Variants in KCNIP4 observed in about 807,000 individuals in gnomAD.
The protein encoded by KCNIP4 is potassium voltage-gated channel interacting protein 4.
Under a neutral mutation model 34.0 loss-of-function variants are expected in KCNIP4, and 12 were observed. The ratio of observed to expected loss-of-function variants is 0.35; its 90% confidence interval spans 0.23 to 0.57. KCNIP4 has a LOEUF of 0.57. KCNIP4 is among the 20% of genes least tolerant of loss of function. KCNIP4 has a pLI of 0.83. For missense variants in KCNIP4, 238 were observed against 311.7 expected (o/e 0.76, Z 1.78); for synonymous variants, 124 against 102.2 (o/e 1.21, Z -1.29).
intron 1 of KCNIP4, among the ~76,000 whole-genome samples, chr4:21,092,340 C>T (rs931520405): frequency 6.6e-6 from 1 of 151,946 alleles, no homozygotes; most frequent in Non-Finnish European, 1.5e-5. Context: ...ACGAATGTCT[C>T]TATATTCCTC....
At chr4:21,894,493 A>G (rs2109407987) in intron 1 of KCNIP4, among the ~76,000 whole-genome samples, 1 of 152,270 alleles carries the variant, frequency 6.6e-6, no homozygotes, top group Middle Eastern at 3.4e-3. Flanking sequence ...TAATAGGTAC[A>G]TCATTTGTGA....
At chr4:21,916,917 C>T (rs7356396) in intron 1 of KCNIP4, among the ~76,000 whole-genome samples, 1 of 151,912 alleles carries the variant, frequency 6.6e-6, no homozygotes, top group African/African-American at 2.4e-5. Context: ...TTCTTACATC[C>T]TAAATTGTTC....
chr4:20,867,576 A>G (rs570284319), intron 2 of KCNIP4, among the ~76,000 whole-genome samples: 19 of 152,142 alleles, frequency 1.2e-4, no homozygotes, highest in Non-Finnish European at 2.6e-4. Context: ...AAATCCTGGA[A>G]GACAACCTAG....
chr4:21,202,037 G>T (rs1756536243), intron 1 of KCNIP4, among the ~76,000 whole-genome samples: 1 of 152,178 alleles, frequency 6.6e-6, no homozygotes, highest in Non-Finnish European at 1.5e-5. Context: ...AATTAGTTCA[G>T]CCCCTGTGGA....
intron 1 of KCNIP4, chr4:21,608,717 T>C (rs1743916883): frequency 6.6e-6 from 1 of 152,172 alleles, no homozygotes; most frequent in East Asian, 1.9e-4. Context: ...TTGTAGAACA[T>C]TAGTCAGTCA....
intron 1 of KCNIP4, among the ~76,000 whole-genome samples, chr4:21,625,000 C>T (rs1745228173): frequency 6.6e-6 from 1 of 152,096 alleles, no homozygotes; most frequent in South Asian, 2.1e-4. Flanking sequence ...GACATGGCTG[C>T]ATCTATTTTT....
chr4:21,099,480 G>T (rs1747752892), intron 1 of KCNIP4, among the ~76,000 whole-genome samples: 1 of 152,056 alleles, frequency 6.6e-6, no homozygotes, highest in Admixed American at 6.6e-5. Context: ...GGGGAAGGGA[G>T]AACATCAGGA....
chr4:21,085,303 A>G (rs1746324154), intron 1 of KCNIP4, among the ~76,000 whole-genome samples: 1 of 152,046 alleles, frequency 6.6e-6, no homozygotes, highest in East Asian at 1.9e-4. Flanking sequence ...TGAAAACCCA[A>G]TCATATTGGC....
Position 21,106,043 on chromosome 4 carries a change from T to C in KCNIP4, c.62-223334A>G, listed in dbSNP as rs1748494015. Among the ~76,000 whole-genome samples, 3 of 151,642 alleles carry C rather than the reference T, an allele frequency of 2.0e-5. 1 individual carries two copies. The South Asian group carries it at 6.2e-4, about 31-fold the overall frequency. ...TTGCATCAATGTTCATCAAGGATAT[T>C]GGTCTAAAATTCTCTTTTTTGGTTG... On this transcript the variant is annotated intron_variant, in intron 1 of 8. Coordinates refer to ENST00000382152, the MANE Select transcript of KCNIP4 (RefSeq NM_025221.6).
rs2109335383 is a variant in KCNIP4, at chr4:21,186,148, T to C, written c.62-303439A>G. 2.6e-5 allele frequency among the ~76,000 whole-genome samples: 4 copies of C among 152,334 alleles called. 1 individual carries two copies. The South Asian group carries it at 8.3e-4, about 32-fold the overall frequency. On this transcript the variant is annotated intron_variant, in intron 1 of 8. Coordinates refer to ENST00000382152, the MANE Select transcript of KCNIP4 (RefSeq NM_025221.6). ...ATCCTCAATATCCCTTTTACAAAGA[T>C]TTACCCTGTCTTTCCTTTTCCTCTG...
At chr4:21,572,001 G>GAT (rs1560526264) in intron 1 of KCNIP4, among the ~76,000 whole-genome samples, 1 of 152,006 alleles carries the variant, frequency 6.6e-6, no homozygotes, top group African/African-American at 2.4e-5. Context: ...AGGTATTTTA[G>GAT]ATATATATAT....
chr4:21,370,096 G>C (rs1720186638), intron 1 of KCNIP4, among the ~76,000 whole-genome samples: 1 of 147,468 alleles, frequency 6.8e-6, no homozygotes, highest in Non-Finnish European at 1.5e-5. Context: ...CGAAGTGCTG[G>C]GATTACAGGC....
chr4:21,484,531 T>G (rs527903758), intron 1 of KCNIP4, among the ~76,000 whole-genome samples: 4 of 152,216 alleles, frequency 2.6e-5, no homozygotes, highest in Non-Finnish European at 4.4e-5. Context: ...AGAAGTGTCA[T>G]ATAATGTTGT....
chr4:21,058,752 C>A (rs759170172), intron 1 of KCNIP4, among the ~76,000 whole-genome samples: 1 of 152,100 alleles, frequency 6.6e-6, no homozygotes, highest in Non-Finnish European at 1.5e-5. Context: ...CTATAACACT[C>A]TAGAACTGAA....
intron 1 of KCNIP4, among the ~76,000 whole-genome samples, chr4:21,018,623 C>A (rs1739761998): frequency 6.6e-6 from 1 of 152,138 alleles, no homozygotes; most frequent in Admixed American, 6.6e-5. Flanking sequence ...GCACGGTGGT[C>A]TAGATCACTT....
chr4:21,575,451 A>C (rs1740680540), intron 1 of KCNIP4, among the ~76,000 whole-genome samples: 1 of 152,272 alleles, frequency 6.6e-6, no homozygotes, highest in Admixed American at 6.5e-5. Context: ...GAATGAGAAT[A>C]ATGTCCAATA....
In KCNIP4 at chr4:21,751,326, T is replaced by G. The variant is rs146971670; in HGVS notation, c.61+197245A>C. Among the ~76,000 whole-genome samples, 1,330 of 152,226 alleles carry G rather than the reference T, an allele frequency of 8.7e-3. 19 individuals carry two copies. The highest frequency in any genetic ancestry group is 0.039 in the South Asian group (188 of 4,816). On this transcript the variant is annotated intron_variant, in intron 1 of 8. Transcript: ENST00000382152. ...TGAGACAATTGAGGCAATGCAAATA[T>G]GGATATATGAACTGAATCTTAAATT...
intron 1 of KCNIP4, among the ~76,000 whole-genome samples, chr4:21,043,478 C>T (rs1742137872): frequency 6.6e-6 from 1 of 151,576 alleles, no homozygotes; most frequent in Non-Finnish European, 1.5e-5. Context: ...TACAGGAGTG[C>T]ACCACCATGC....
chr4:21,217,734 G>C (rs565600874), intron 1 of KCNIP4, among the ~76,000 whole-genome samples: 1 of 152,146 alleles, frequency 6.6e-6, no homozygotes, highest in East Asian at 1.9e-4. Flanking sequence ...CTGGGTCAAA[G>C]GCATGGAAGG....
Sources: allele counts gnomAD v4.1 joint callset (sites outside exome capture counted in the v4.1 genomes callset), GRCh38; gene constraint gnomAD v4.1.1; transcripts MANE v1.5; gene names NCBI Gene and HGNC (gene_info 2026-07-23, HGNC 2026-07-21).